CELF2: variants seen among roughly 807,000 people sequenced by gnomAD.
CELF2 encodes CUGBP Elav-like family member 2.
In CELF2, 8 loss-of-function variants were observed where a neutral mutation model predicts 62.6. The ratio of observed to expected loss-of-function variants is 0.13; its 90% CI spans 0.07 to 0.23. CELF2 has a LOEUF of 0.23. Ranked by LOEUF, CELF2 falls within the 10% of genes least tolerant of loss-of-function variation. The pLI, the probability that CELF2 is intolerant of heterozygous loss-of-function variation, is 1.00. For missense variants in CELF2, 333 were observed against 671.0 expected (o/e 0.50, Z 5.56); for synonymous variants, 258 against 250.0 (o/e 1.03, Z -0.30).
chr10:11,242,884 G>T lies in CELF2; in HGVS notation c.355-6269G>T, dbSNP rs180855262. On this transcript the variant is annotated intron_variant, in intron 3 of 12. Transcript: ENST00000633077. The surrounding 1 kb of genome is among the most constrained non-coding windows in gnomAD (Gnocchi z 4.8). The stretch of plus-strand genomic sequence containing the variant: ...AGGCCTGATGCTGGGAGGCTTGTGT[G>T]GTCCGCCACCAACAGATGGCTCCTA... Among the ~76,000 whole-genome samples, 1 of 152,288 alleles carries T rather than the reference G, an allele frequency of 6.6e-6. No individual in the cohort carries two copies. The highest frequency in any genetic ancestry group is 1.9e-4 in the East Asian group (1 of 5,184).
chr10:10,744,033 T>C, the CELF2 span, among the ~76,000 whole-genome samples: 1 of 152,188 alleles, frequency 6.6e-6, no homozygotes, highest in Admixed American at 6.6e-5. Context: ...AATATTGAAT[T>C]GTTTTTGAGC....
the CELF2 span, among the ~76,000 whole-genome samples, chr10:10,721,282 T>C: frequency 6.6e-6 from 1 of 152,190 alleles, no homozygotes; most frequent in African/African-American, 2.4e-5. Context: ...GCCAAATAGA[T>C]CTAGTTTGAA....
chr10:10,828,093 G>T (rs892647639), intron 1 of CELF2, among the ~76,000 whole-genome samples: 6 of 147,800 alleles, frequency 4.1e-5, no homozygotes, highest in Non-Finnish European at 1.5e-5. Context: ...ACAGAAAACA[G>T]TATGATGGTT....
chr10:10,574,457 T>G, the CELF2 span, among the ~76,000 whole-genome samples: 1 of 152,302 alleles, frequency 6.6e-6, no homozygotes, highest in Non-Finnish European at 1.5e-5. Flanking sequence ...AAACGTGTTA[T>G]GATCCACCAA....
the CELF2 span, among the ~76,000 whole-genome samples, chr10:10,710,926 G>A: frequency 2.6e-5 from 4 of 152,266 alleles, no homozygotes; most frequent in East Asian, 5.8e-4. Flanking sequence ...TAAAATTAAG[G>A]TGAGTGCTAA....
Position 11,321,478 on chromosome 10 carries a change from C to A in CELF2, c.1294+92C>A. 1 of 987,252 alleles carries A rather than the reference C, an allele frequency of 1.0e-6. No homozygotes were observed. Among genetic ancestry groups the A allele is most frequent in the Non-Finnish European group, 1.5e-6 (1 of 675,774 alleles). 61.2% of individuals were successfully genotyped at this position (987,252 alleles called of 1,614,324 possible). A position where few individuals can be genotyped will look rare whatever the true frequency, so the allele number is the denominator to read the frequency against. On this transcript the variant is annotated intron_variant, in intron 11 of 12. Transcript: ENST00000633077. The surrounding 1 kb of genome is among the most constrained non-coding windows in gnomAD (Gnocchi z 6.2). ...TTAGAAGGTATCAAATTGAACTGAACCCATGTCATAACAGAAAGCAGTTGT... is the reference window on the plus strand; with the variant it reads ...TTAGAAGGTATCAAATTGAACTGAAACCATGTCATAACAGAAAGCAGTTGT...
intron 1 of CELF2, among the ~76,000 whole-genome samples, chr10:10,858,817 T>C (rs533240880): frequency 3.3e-5 from 5 of 152,154 alleles, no homozygotes; most frequent in Admixed American, 3.3e-4. Flanking sequence ...ATAACATTAT[T>C]CCTTTAGTTT....
the CELF2 span, among the ~76,000 whole-genome samples, chr10:10,554,344 C>T: frequency 6.6e-6 from 1 of 152,202 alleles, no homozygotes; most frequent in Admixed American, 6.5e-5. Flanking sequence ...GCATGCGTTC[C>T]TGAGCCTTGG....
upstream of CELF2, among the ~76,000 whole-genome samples, chr10:11,014,875 G>A (rs1187192059): frequency 1.3e-5 from 2 of 152,192 alleles, no homozygotes; most frequent in Admixed American, 1.3e-4. Flanking sequence ...AAGGTAGGGG[G>A]ATGGGGCTAA....
the CELF2 span, among the ~76,000 whole-genome samples, chr10:10,541,815 A>G: frequency 6.6e-6 from 1 of 152,166 alleles, no homozygotes; most frequent in Non-Finnish European, 1.5e-5. Context: ...ATCTTGTGCC[A>G]GCCTATCTCA....
At chr10:10,625,876 T>C in the CELF2 span, among the ~76,000 whole-genome samples, 1 of 152,206 alleles carries the variant, frequency 6.6e-6, no homozygotes. Context: ...GTATGTTTCT[T>C]TGAATGCTGT....
chr10:10,561,415 A>T, the CELF2 span, among the ~76,000 whole-genome samples: 2 of 152,174 alleles, frequency 1.3e-5, no homozygotes, highest in Non-Finnish European at 2.9e-5. Flanking sequence ...TCATTCAACA[A>T]ATACATGTTA....
the CELF2 span, among the ~76,000 whole-genome samples, chr10:10,470,089 C>T: frequency 4.1e-4 from 63 of 151,934 alleles, no homozygotes; most frequent in African/African-American, 1.5e-3. Flanking sequence ...ATAATGCAAA[C>T]ATTGTATTCC....
At chr10:11,250,900 C>T (rs76305248) in intron 4 of CELF2, among the ~76,000 whole-genome samples, 1,617 of 152,288 alleles carry the variant, frequency 0.011, 35 homozygotes, top group African/African-American at 0.036. Flanking sequence ...CTCCATGGAG[C>T]GTGCTGGCCT....
chr10:10,529,673 G>A, the CELF2 span, among the ~76,000 whole-genome samples: 1 of 90,694 alleles, frequency 1.1e-5, no homozygotes, highest in Non-Finnish European at 1.9e-5. Context: ...GAGACAGCAA[G>A]ACTCCATCTC....
chr10:10,942,116 A>G (rs1227781718), intron 2 of CELF2, among the ~76,000 whole-genome samples: 1 of 152,202 alleles, frequency 6.6e-6, no homozygotes, highest in East Asian at 1.9e-4. Context: ...CCTCAGGAAA[A>G]AAAAAATTGT....
At chr10:10,534,214 T>TAA in the CELF2 span, among the ~76,000 whole-genome samples, 19,009 of 134,018 alleles carry the variant, frequency 0.14, 1,602 homozygotes, top group East Asian at 0.24. Flanking sequence ...GAGGAGTTGT[T>TAA]AAAAAAAAAA....
chr10:10,996,590 A>T (rs1023864047), intron 2 of CELF2, among the ~76,000 whole-genome samples: 2 of 152,214 alleles, frequency 1.3e-5, no homozygotes, highest in Admixed American at 6.5e-5. Flanking sequence ...TAAAGAATTC[A>T]TGATCTCATC....
chr10:10,528,075 A>G, the CELF2 span, among the ~76,000 whole-genome samples: 17 of 152,224 alleles, frequency 1.1e-4, no homozygotes, highest in African/African-American at 4.1e-4. Flanking sequence ...CTCATCCTGC[A>G]ACATTCTTAA....
Sources: allele counts gnomAD v4.1 joint callset (sites outside exome capture counted in the v4.1 genomes callset), GRCh38; gene constraint gnomAD v4.1.1; non-coding constraint Gnocchi (gnomAD v3.1); transcripts MANE v1.5; gene names NCBI Gene and HGNC (gene_info 2026-07-23, HGNC 2026-07-21).